Variants in SPG11 observed in about 807,000 individuals in gnomAD.
The protein encoded by SPG11 is SPG11 vesicle trafficking associated, spatacsin, also known as spatacsin.
SPG11 carries 222 observed loss-of-function variants against 274.0 expected under a neutral mutation model. The ratio of observed to expected loss-of-function variants is 0.81; its 90% CI spans 0.73 to 0.91. The LOEUF (loss-of-function observed/expected upper bound fraction) is 0.91. SPG11 is among the 40% of genes least tolerant of loss of function. SPG11 has a pLI of 0.00. For missense variants in SPG11, 3,114 were observed against 2,872.7 expected, an observed-to-expected ratio of 1.08 and a Z score of -1.92; for synonymous variants, 1,144 against 1,039.7, an observed-to-expected ratio of 1.10 and a Z score of -1.93.
chr15:44,632,701 G>T (rs965746137), intron 8 of SPG11, among the ~76,000 whole-genome samples: 3 of 151,876 alleles, frequency 2.0e-5, no homozygotes, highest in African/African-American at 7.3e-5. Flanking sequence ...GTAGAATGGG[G>T]TCTTGCTATG....
intron 17 of SPG11, among the ~76,000 whole-genome samples, chr15:44,611,809 C>CTTTTTTTT (rs71111871): frequency 8.4e-6 from 1 of 119,490 alleles, no homozygotes; most frequent in African/African-American, 3.1e-5. Context: ...TGGTCACTGT[C>CTTTTTTTT]TTTTTTTTTT....
In SPG11 at chr15:44,608,578, A is replaced by G; in HGVS notation, c.3319T>C (p.Cys1107Arg). The G allele has an allele frequency of 2.5e-6, 4 of 1,614,054 alleles. No homozygotes were observed. The highest frequency in any genetic ancestry group is 1.1e-5 in the South Asian group (1 of 91,076). The change falls in exon 19 of 40, where the codon TGT (cysteine) becomes CGT (arginine). Residue 1107 changes from cysteine (C) to arginine (R), a missense_variant. Transcript: ENST00000261866. ...AGCTGGGGATCCACTTTCTTCAAAC[A>G]GTTTTCATTTTCTTCATTCTGAACA... The part of the protein sequence containing the change: ...QVVQNEENEN[C>R]LKKVDPQLLK...
chr15:44,571,958 A>C (rs2082434409), intron 33 of SPG11, among the ~76,000 whole-genome samples: 1 of 152,204 alleles, frequency 6.6e-6, no homozygotes, highest in South Asian at 2.1e-4. Flanking sequence ...TGCCCCGCTA[A>C]GTTTTTAAAA....
chr15:44,636,247 A>G (rs2084246838), intron 7 of SPG11, among the ~76,000 whole-genome samples: 1 of 152,112 alleles, frequency 6.6e-6, no homozygotes, highest in Non-Finnish European at 1.5e-5. Context: ...CCGCCAAAAA[A>G]AGATAAACTA....
chr15:44,639,554 T>C (rs1337009323), intron 7 of SPG11, among the ~76,000 whole-genome samples: 4 of 151,926 alleles, frequency 2.6e-5, no homozygotes, highest in Non-Finnish European at 5.9e-5. Context: ...AATAAAAAAA[T>C]TAGCTGGGTG....
In SPG11 at chr15:44,648,980, C is replaced by A; in HGVS notation, c.1488G>T (p.Leu496Phe). Residue 496 changes from leucine to phenylalanine, a missense_variant, in exon 7 of 40, where the codon TTG becomes TTT. Physicochemically the swap from Leu to Phe is conservative, Grantham distance 22. Coordinates refer to ENST00000261866, the MANE Select transcript of SPG11 (RefSeq NM_025137.4). ...ENGLSLILFGLTQEEFLNRLM... is the reference protein window; with the variant it reads ...ENGLSLILFGFTQEEFLNRLM... ...GTCTGTTTAAAAACTCTTCTTGAGTCAAACCAAACAAAATCAGAGAGAGTC... is the reference window on the plus strand; with the variant it reads ...GTCTGTTTAAAAACTCTTCTTGAGTAAAACCAAACAAAATCAGAGAGAGTC... 6.2e-7 allele frequency: 1 copy of A among 1,613,596 alleles called. No homozygotes were observed. Among genetic ancestry groups the A allele is most frequent in the South Asian group, 1.1e-5 (1 of 91,056 alleles).
At chr15:44,569,799 C>T (rs891111555) in intron 34 of SPG11, among the ~76,000 whole-genome samples, 5 of 151,786 alleles carry the variant, frequency 3.3e-5, no homozygotes, top group Admixed American at 6.6e-5. Flanking sequence ...TCACTGCAAC[C>T]TCCGCCTCCC....
chr15:44,641,491 A>T (rs747165945), intron 7 of SPG11, among the ~76,000 whole-genome samples: 3 of 151,970 alleles, frequency 2.0e-5, no homozygotes, highest in Non-Finnish European at 4.4e-5. Flanking sequence ...AATATCCAAC[A>T]CTATAAACCA....
chr15:44,575,093 T>C (rs1426332699), intron 30 of SPG11, 52 bp from the exon 31 acceptor site: 2 of 1,608,052 alleles, frequency 1.2e-6, no homozygotes, highest in East Asian at 2.2e-5. Context: ...TTCTGGCCTC[T>C]CCCTAGCTCT....
chr15:44,597,088 G>T, intron 23 of SPG11, 145 bp from the exon 24 acceptor site: 3 of 724,834 alleles, frequency 4.1e-6, no homozygotes, highest in Non-Finnish European at 6.6e-6. Flanking sequence ...TATTTATTAG[G>T]CTACTTTGAA....
chr15:44,566,110 C>T lies in SPG11; in HGVS notation c.6844-101G>A. 4.4e-6 allele frequency: 7 copies of T among 1,588,174 alleles called. No individual in the cohort carries two copies. In the South Asian group the frequency reaches 7.8e-5, roughly 18 times the overall value. On this transcript the variant is annotated intron_variant, in intron 37 of 39. Transcript: ENST00000261866. The stretch of plus-strand genomic sequence containing the variant: ...TTCACCCCTTCTGTTCCTGGTTGGC[C>T]TATGATGCCCTCCCGCTTCACCTGG...
At chr15:44,566,755 A>G (rs775805142) in intron 36 of SPG11, among the ~76,000 whole-genome samples, 6 of 152,082 alleles carry the variant, frequency 3.9e-5, no homozygotes, top group South Asian at 2.1e-4. Flanking sequence ...CTGGAGTGCA[A>G]TGGGCGCGAT....
intron 2 of SPG11, 61 bp downstream of exon 2, chr15:44,660,371 T>C (rs2085068465): frequency 6.7e-7 from 1 of 1,491,562 alleles, no homozygotes; most frequent in African/African-American, 1.4e-5. Flanking sequence ...TCCTGAAGTA[T>C]GTAACTACAT....
chr15:44,622,514 G>A, intron 12 of SPG11, 167 bp from the exon 13 acceptor site: 3 of 750,996 alleles, frequency 4.0e-6, no homozygotes, highest in South Asian at 1.9e-5. Context: ...TTGAGTTAAT[G>A]TATGTTAACA....
intron 35 of SPG11, among the ~76,000 whole-genome samples, chr15:44,567,925 T>C (rs183495325): frequency 1.6e-4 from 24 of 152,252 alleles, no homozygotes; most frequent in African/African-American, 5.8e-4. Flanking sequence ...GGATATTTAA[T>C]AGCAAACAAT....
chr15:44,594,153 C>T (rs1431697333), intron 26 of SPG11, among the ~76,000 whole-genome samples: 1 of 150,846 alleles, frequency 6.6e-6, no homozygotes, highest in African/African-American at 2.4e-5. Flanking sequence ...AGGCTTGGAG[C>T]GGTGGCTCAC....
chr15:44,636,925 C>CAAAAAAACAAAAACAAAAA (rs2084275270), intron 7 of SPG11, among the ~76,000 whole-genome samples: 1 of 19,454 alleles, frequency 5.1e-5, no homozygotes, highest in African/African-American at 3.1e-4. Context: ...GACTCCATCT[C>CAAAAAAACAAAAACAAAAA]AAAAAAAAAA....
chr15:44,568,644 T>C (rs1210617844), intron 35 of SPG11, among the ~76,000 whole-genome samples: 1 of 152,196 alleles, frequency 6.6e-6, no homozygotes, highest in Non-Finnish European at 1.5e-5. Flanking sequence ...CATAAATGGC[T>C]CCACAGCTTT....
At position 44,596,244 on chromosome 15, in the gene SPG11, T is replaced by G. The variant is rs1328871207; in HGVS notation, c.4273A>C (p.Asn1425His). The change falls in exon 25 of 40, where the codon AAT becomes CAT. Residue 1425 changes from asparagine to histidine, a missense_variant. Asn to His is a moderately conservative substitution (Grantham distance 68). Coordinates refer to ENST00000261866, the MANE Select transcript of SPG11 (RefSeq NM_025137.4). ...CCTTGAAGTTCCTGGGGGCACTTAT[T>G]GCAGACTTGATCGCTGTCCATTTTG... ...TSKMDSDQVC[N>H]KCPQELQGSK... 6.2e-7 allele frequency: 1 copy of G among 1,614,058 alleles called. No homozygotes were observed. The highest frequency in any genetic ancestry group is 1.3e-5 in the African/African-American group (1 of 74,934).
Sources: allele counts gnomAD v4.1 joint callset (sites outside exome capture counted in the v4.1 genomes callset), GRCh38; gene constraint gnomAD v4.1.1; transcripts MANE v1.5; gene names NCBI Gene and HGNC (gene_info 2026-07-23, HGNC 2026-07-21).